SMO: variants seen among roughly 807,000 people sequenced by gnomAD.
The protein encoded by SMO is protein smoothened.
Under a neutral mutation model 81.6 loss-of-function variants are expected in SMO, and 40 were observed. The observed-to-expected ratio is 0.49, with a 90% confidence interval of 0.38 to 0.64. SMO has a LOEUF of 0.64. Ranked by LOEUF, SMO falls within the 30% of genes least tolerant of loss-of-function variation. SMO has a pLI of 0.00. For missense variants in SMO, 916 were observed against 1,061.1 expected, an observed-to-expected ratio of 0.86 and a Z score of 1.90; for synonymous variants, 434 against 432.1, an observed-to-expected ratio of 1.00 and a Z score of -0.05.
rs1046437984 is a variant in SMO, at chr7:129,210,223, T to C, written c.1467-140T>C. ...TGGGAGGCTGAAGCAGGAGATTGCCTGAGCCCAGGAGTTGGAAGCTGCAGT... is the reference window on the plus strand; with the variant it reads ...TGGGAGGCTGAAGCAGGAGATTGCCCGAGCCCAGGAGTTGGAAGCTGCAGT... On this transcript the variant is annotated intron_variant, in intron 8 of 11. Coordinates refer to ENST00000249373, the MANE Select transcript of SMO (RefSeq NM_005631.5). This position sits in a 1 kb window ranked among gnomAD's most constrained non-coding sequence, Gnocchi z 4.7. The C allele has an allele frequency of 3.0e-6, 2 of 663,236 alleles. No homozygotes were observed. The highest frequency in any genetic ancestry group is 5.5e-5 in the East Asian group (2 of 36,580). The allele number at this position is 663,236 out of a possible 1,614,324, so 41.1% of individuals were successfully genotyped here.
intron 1 of SMO, among the ~76,000 whole-genome samples, chr7:129,199,582 A>G (rs1793635005): frequency 6.6e-6 from 1 of 152,126 alleles, no homozygotes; most frequent in Admixed American, 6.6e-5. Flanking sequence ...AGAAAAATAC[A>G]AAAATTCACC....
In SMO at chr7:129,212,024, T is replaced by C. The variant is rs2150656251; in HGVS notation, c.1937T>C (p.Val646Ala). Residue 646 changes from valine to alanine, a missense_variant and splice_region_variant, in exon 12 of 12, where the codon GTG becomes GCG. Val to Ala is a moderately conservative substitution (Grantham distance 64, BLOSUM62 0). Coordinates refer to ENST00000249373, the MANE Select transcript of SMO (RefSeq NM_005631.5). The surrounding 1 kb of genome is among the most constrained non-coding windows in gnomAD (Gnocchi z 5.0). ...DISVTPVATPVPPEEQANLWL... is the reference protein window; with the variant it reads ...DISVTPVATPAPPEEQANLWL... Reference sequence around the variant, plus strand: ...CTCGTGTTGTCTCTCCTCCTGTCAGTGCCCCCAGAGGAACAAGCCAACCTG... The same window carrying C: ...CTCGTGTTGTCTCTCCTCCTGTCAGCGCCCCCAGAGGAACAAGCCAACCTG... 1 of 1,582,206 alleles carries C rather than the reference T, an allele frequency of 6.3e-7. No individual in the cohort carries two copies. Among genetic ancestry groups the C allele is most frequent in the Non-Finnish European group, 8.5e-7 (1 of 1,170,822 alleles).
rs2150652458 is a variant in SMO, at chr7:129,208,894, C to T, written c.1357+43C>T. The stretch of plus-strand genomic sequence containing the variant: ...ACTTCGGTCTGAGGTCCTGGCCAGC[C>T]CAACACTGCACCCTCCTGGGGCTAT... On this transcript the variant is annotated intron_variant, in intron 7 of 11. Coordinates refer to ENST00000249373, the MANE Select transcript of SMO (RefSeq NM_005631.5). This position sits in a 1 kb window ranked among gnomAD's most constrained non-coding sequence, Gnocchi z 5.2. 1 of 1,346,458 alleles carries T rather than the reference C, an allele frequency of 7.4e-7. No homozygotes were observed. Among genetic ancestry groups the T allele is most frequent in the Non-Finnish European group, 1.1e-6 (1 of 941,448 alleles). The allele number at this position is 1,346,458 out of a possible 1,614,324, so 83.4% of individuals were successfully genotyped here. A position where few individuals can be genotyped will look rare whatever the true frequency, so the allele number is the denominator to read the frequency against.
Position 129,208,427 on chromosome 7 carries a change from G to C in SMO, c.1265-332G>C, listed in dbSNP as rs1033317619. 7.5e-5 allele frequency among the ~76,000 whole-genome samples: 11 copies of C among 145,706 alleles called. No individual in the cohort carries two copies. Among genetic ancestry groups the C allele is most frequent in the African/African-American group, 2.8e-4 (11 of 39,348 alleles). On this transcript the variant is annotated intron_variant, in intron 6 of 11. Coordinates refer to ENST00000249373, the MANE Select transcript of SMO (RefSeq NM_005631.5). This position sits in a 1 kb window ranked among gnomAD's most constrained non-coding sequence, Gnocchi z 5.2. ...GATCACGCCATTGCACTCCAGCCTG[G>C]GCGACAGGGTTCCATCTCAAAAAAA...
rs1793864705 is a variant in SMO, at chr7:129,211,201, T to C, written c.1801+88T>C. ...CCCAGCCTGCTGGGGGCACACAGAT[T>C]ATTTGGAAGACCGACTGTGAGGAGC... On this transcript the variant is annotated intron_variant, in intron 10 of 11. Coordinates refer to ENST00000249373, the MANE Select transcript of SMO (RefSeq NM_005631.5). This position sits in a 1 kb window ranked among gnomAD's most constrained non-coding sequence, Gnocchi z 4.6. 1.4e-6 allele frequency: 2 copies of C among 1,404,472 alleles called. No homozygotes were observed. The highest frequency in any genetic ancestry group is 2.0e-6 in the Non-Finnish European group (2 of 1,018,528). 87.0% of individuals were successfully genotyped at this position (1,404,472 alleles called of 1,614,324 possible).
intron 8 of SMO, chr7:129,209,688 A>G (rs1371493011): frequency 2.7e-6 from 1 of 373,098 alleles, no homozygotes; most frequent in Admixed American, 4.0e-5. Context: ...TCTGACTGAC[A>G]CTAAGTTGCC....
At chr7:129,198,233 G>A (rs899084236) in intron 1 of SMO, among the ~76,000 whole-genome samples, 7 of 152,130 alleles carry the variant, frequency 4.6e-5, no homozygotes, top group South Asian at 2.1e-4. Context: ...GATTATAGGC[G>A]TGAGCCACCA....
At chr7:129,209,243 C>A in intron 7 of SMO, 46 bp from the exon 8 acceptor site, 3 of 1,150,700 alleles carry the variant, frequency 2.6e-6, no homozygotes, top group Non-Finnish European at 4.0e-6. Context: ...ACTGCTGCTG[C>A]GGGACTGGGC....
chr7:129,190,962 G>T (rs1793473338), intron 1 of SMO, among the ~76,000 whole-genome samples: 1 of 151,712 alleles, frequency 6.6e-6, no homozygotes, highest in African/African-American at 2.4e-5. Context: ...TCATGCAAAA[G>T]ACTGAAATAA....
rs966572339 is a variant in SMO at position 129,208,058 on chromosome 7, A to G, written c.1265-701A>G. On this transcript the variant is annotated intron_variant, in intron 6 of 11. Transcript: ENST00000249373. This position sits in a 1 kb window ranked among gnomAD's most constrained non-coding sequence, Gnocchi z 5.2. ...ACATGTTGAAATGATTTTATTTTGA[A>G]TATATTAGGTTTGTAAAATATATTG... is the stretch of plus-strand genomic sequence containing the variant. 2.0e-5 allele frequency among the ~76,000 whole-genome samples: 3 copies of G among 152,132 alleles called. No homozygotes were observed. Among genetic ancestry groups the G allele is most frequent in the Non-Finnish European group, 4.4e-5 (3 of 68,040 alleles).
At chr7:129,209,168 A>G in intron 7 of SMO, 121 bp from the exon 8 acceptor site, 2 of 657,432 alleles carry the variant, frequency 3.0e-6, no homozygotes. Flanking sequence ...TGAGCCCAGC[A>G]TGAGTTCACC....
chr7:129,190,699 A>G (rs1017013952), intron 1 of SMO, among the ~76,000 whole-genome samples: 3 of 152,226 alleles, frequency 2.0e-5, no homozygotes, highest in Non-Finnish European at 2.9e-5. Context: ...GGAGGATGGT[A>G]TCCATGGTAC....
intron 1 of SMO, among the ~76,000 whole-genome samples, chr7:129,191,983 G>A (rs983694347): frequency 1.3e-5 from 2 of 152,182 alleles, no homozygotes; most frequent in Admixed American, 6.5e-5. Flanking sequence ...ACTTTGGGAG[G>A]CCGAGGCGGG....
chr7:129,191,179 T>G (rs2150639580), intron 1 of SMO, among the ~76,000 whole-genome samples: 1 of 152,330 alleles, frequency 6.6e-6, no homozygotes, highest in South Asian at 2.1e-4. Context: ...GACCCATGGT[T>G]TAATTTTCCC....
chr7:129,209,189 C>A, intron 7 of SMO, 100 bp from the exon 8 acceptor site: 2 of 722,658 alleles, frequency 2.8e-6, no homozygotes, highest in South Asian at 3.2e-5. Flanking sequence ...CCAGCCCCAG[C>A]TGGGTGAACT....
chr7:129,201,098 G>A (rs985846955), intron 1 of SMO, among the ~76,000 whole-genome samples: 2 of 152,026 alleles, frequency 1.3e-5, no homozygotes, highest in African/African-American at 4.8e-5. Context: ...CTAGGCTGGA[G>A]TGCAGTGGTG....
In SMO at chr7:129,209,407, G is replaced by A. The variant is rs2150653021; in HGVS notation, c.1466+10G>A. The A allele has an allele frequency of 6.3e-7, 1 of 1,574,900 alleles. No individual in the cohort carries two copies. ...TCCGGGACTATGTGCTGTGAGTGAGGGGCATGGAGGCGGCAGTGCTGGGAG... is the reference window on the plus strand; with the variant it reads ...TCCGGGACTATGTGCTGTGAGTGAGAGGCATGGAGGCGGCAGTGCTGGGAG... On this transcript the variant is annotated intron_variant, in intron 8 of 11. Coordinates refer to ENST00000249373, the MANE Select transcript of SMO (RefSeq NM_005631.5).
chr7:129,203,638 C>T (rs372953204), intron 2 of SMO, 49 bp downstream of exon 2: 45 of 1,468,758 alleles, frequency 3.1e-5, no homozygotes, highest in Admixed American at 7.5e-5. Flanking sequence ...TGGGCAGGAC[C>T]GGGTATAGGG....
At chr7:129,203,641 G>T (rs1342061094) in intron 2 of SMO, 52 bp downstream of exon 2, 4 of 1,445,096 alleles carry the variant, frequency 2.8e-6, no homozygotes, top group Non-Finnish European at 1.9e-6. Context: ...GCAGGACCGG[G>T]TATAGGGCAG....
Sources: gnomAD v4.1 joint callset for allele counts (sites outside exome capture counted in the v4.1 genomes callset) on GRCh38, gnomAD v4.1.1 for gene constraint, Gnocchi (gnomAD v3.1) non-coding constraint, MANE v1.5 for transcripts, NCBI Gene and HGNC (gene_info 2026-07-23, HGNC 2026-07-21) for gene names.